Variants in CRYAB observed in about 807,000 individuals in gnomAD.
The protein encoded by CRYAB is crystallin alpha B.
Under a neutral mutation model 12.7 loss-of-function variants are expected in CRYAB, and 9 were observed. The ratio of observed to expected loss-of-function variants is 0.71; its 90% CI spans 0.43 to 1.24. The LOEUF is 1.24. Among genes scored for constraint, CRYAB ranks in the 50% most tolerant of loss-of-function variants. The pLI, the probability that CRYAB is intolerant of heterozygous loss-of-function variation, is 0.00. For synonymous variants in CRYAB, 93 were observed against 86.8 expected (o/e 1.07, Z -0.40); for missense variants, 183 against 226.6 (o/e 0.81, Z 1.24).
chr11:111,916,502 C>T (rs1050966317), upstream of CRYAB, among the ~76,000 whole-genome samples: 3 of 152,170 alleles, frequency 2.0e-5, no homozygotes, highest in South Asian at 4.1e-4. Context: ...GGGTTACAGG[C>T]GTGAGCCACC....
chr11:111,917,453 G>A (rs587707781), upstream of CRYAB, among the ~76,000 whole-genome samples: 31 of 152,198 alleles, frequency 2.0e-4, no homozygotes, highest in Admixed American at 2.0e-4. Context: ...GGAACCAGGC[G>A]TGGTGGGAGG....
intron 1 of CRYAB, among the ~76,000 whole-genome samples, chr11:111,920,801 A>C (rs1965684588): frequency 6.6e-6 from 1 of 152,162 alleles, no homozygotes; most frequent in South Asian, 2.1e-4. Flanking sequence ...GAAGTAGGAA[A>C]AAGAAGAATA....
chr11:111,909,970 C>G, intron 2 of CRYAB: 2 of 594,556 alleles, frequency 3.4e-6, no homozygotes, highest in Admixed American at 3.0e-5. Context: ...GTAGTGCTCG[C>G]TTCGGCAGCA....
chr11:111,912,749 G>A (rs1965505789), upstream of CRYAB: 2 of 1,114,764 alleles, frequency 1.8e-6, no homozygotes, highest in East Asian at 2.7e-5. Flanking sequence ...ATCGAGCCCT[G>A]GCTCTCCGGG....
In CRYAB at chr11:111,919,027, G is replaced by A. The variant is rs587599967; in HGVS notation, c.-199+4676C>T. On this transcript the variant is annotated intron_variant, in intron 1 of 3. Coordinates refer to the CRYAB transcript ENST00000527950. ...CTGGTGAGTAGGCTGGAAGGGCAAA[G>A]GGGAACATCTATCTCTGTTGGTGGA... 1.2e-4 allele frequency: 189 copies of A among 1,614,014 alleles called. No individual in the cohort carries two copies. In the South Asian group the frequency reaches 2.0e-3, roughly 17 times the overall value.
At chr11:111,910,857 C>T in intron 1 of CRYAB, 1 of 315,186 alleles carries the variant, frequency 3.2e-6, no homozygotes, top group Non-Finnish European at 6.1e-6. Flanking sequence ...TCTGCTGGTC[C>T]TGCTTGTCCT....
In CRYAB at chr11:111,918,767, C is replaced by A. The variant is rs1555166273; in HGVS notation, c.-199+4936G>T. The A allele has an allele frequency of 7.3e-6, 5 of 688,016 alleles. No individual in the cohort carries two copies. The Admixed American group carries it at 1.0e-4, about 14-fold the overall frequency. The allele number at this position is 688,016 out of a possible 1,614,324, so 42.6% of individuals were successfully genotyped here. On this transcript the variant is annotated intron_variant, in intron 1 of 3. Coordinates refer to the CRYAB transcript ENST00000527950. ...AAGTTGAGATAGCTCTCACCTGGAG[C>A]CCGTGTGTTGTTCTACCCTTTGGCT...
upstream of CRYAB, chr11:111,912,469 CG>C (rs4252584): frequency 2.2e-3 from 757 of 345,028 alleles, no homozygotes; most frequent in Middle Eastern, 5.2e-3. Flanking sequence ...GGTGTGGAAA[CG>C]TGCAAACCGT....
upstream of CRYAB, among the ~76,000 whole-genome samples, chr11:111,915,794 G>A (rs1199153273): frequency 6.6e-6 from 1 of 152,158 alleles, no homozygotes; most frequent in Non-Finnish European, 1.5e-5. Flanking sequence ...TCAGGATGGA[G>A]TGCAGTGGCA....
chr11:111,913,516 G>C, upstream of CRYAB: 1 of 1,614,070 alleles, frequency 6.2e-7, no homozygotes, highest in Admixed American at 1.7e-5. Flanking sequence ...GCCCCAGCTG[G>C]GGAGGGCAGC....
chr11:111,919,643 G>C (rs1965656808), intron 1 of CRYAB, among the ~76,000 whole-genome samples: 1 of 152,112 alleles, frequency 6.6e-6, no homozygotes, highest in Non-Finnish European at 1.5e-5. Flanking sequence ...AGCTTTCTAT[G>C]TGCCAGACAT....
intron 2 of CRYAB, chr11:111,909,848 ACAGC>A (rs1248970671): frequency 2.9e-6 from 1 of 339,930 alleles, no homozygotes; most frequent in African/African-American, 2.1e-5. Flanking sequence ...TAGGTGTCTG[ACAGC>A]CCTATACCTA....
intron 1 of CRYAB, among the ~76,000 whole-genome samples, chr11:111,919,925 G>T (rs1315075913): frequency 6.6e-6 from 1 of 152,298 alleles, no homozygotes; most frequent in East Asian, 1.9e-4. Flanking sequence ...GCCAGGCGTG[G>T]TGGCTCACGC....
At chr11:111,912,726 G>T, upstream of CRYAB, 1 of 285,752 alleles carries the variant, frequency 3.5e-6, no homozygotes, top group Non-Finnish European at 6.3e-6. Flanking sequence ...TGTCGACCCC[G>T]CCCCCACCTC....
At position 111,908,576 on chromosome 11, in the gene CRYAB, G is replaced by A. The variant is rs1011552667; in HGVS notation, c.*188C>T. On this transcript the variant is annotated 3_prime_UTR_variant, in exon 3 of 3. Transcript: ENST00000650687. ...AATCATAAATAGATCTGTGGTATCT[G>A]TATATTTATTTAAAAGTGTGTGGAA... 1.8e-5 allele frequency: 11 copies of A among 607,816 alleles called. No homozygotes were observed. The highest frequency in any genetic ancestry group is 2.9e-5 in the Non-Finnish European group (10 of 342,822). The allele number at this position is 607,816 out of a possible 1,614,324, so 37.7% of individuals were successfully genotyped here. A position where few individuals can be genotyped will look rare whatever the true frequency, so the allele number is the denominator to read the frequency against.
Position 111,908,823 on chromosome 11 carries a change from G to C in CRYAB, c.469C>G (p.Arg157Gly). ...GPRKQVSGPERTIPITREEKP... is the reference protein window; with the variant it reads ...GPRKQVSGPEGTIPITREEKP... ...TCTTCACGGGTGATGGGAATGGTGC[G>C]CTCAGGGCCAGAGACCTGTTTCCTT... Residue 157 changes from arginine (R) to glycine (G), a missense_variant, in exon 3 of 3, where the codon CGC becomes GGC. Around this residue, in one of 3 missense-constraint regions of CRYAB, gnomAD observed 95 missense variants for 112.5 expected, o/e 0.84. Transcript: ENST00000650687. 1 of 1,613,694 alleles carries C rather than the reference G, an allele frequency of 6.2e-7. No individual in the cohort carries two copies. Among genetic ancestry groups the C allele is most frequent in the Non-Finnish European group, 8.5e-7 (1 of 1,180,018 alleles).
chr11:111,914,188 G>C, upstream of CRYAB: 1 of 375,822 alleles, frequency 2.7e-6, no homozygotes, highest in Non-Finnish European at 4.8e-6. Flanking sequence ...TCCTCAGTTT[G>C]ATGTGCCCAA....
At chr11:111,919,438 A>C (rs587761072) in intron 1 of CRYAB, among the ~76,000 whole-genome samples, 3 of 152,080 alleles carry the variant, frequency 2.0e-5, no homozygotes, top group East Asian at 1.9e-4. Context: ...GCGCCACTGC[A>C]CTCCAGCCTG....
chr11:111,913,479 C>G, upstream of CRYAB: 1 of 1,612,622 alleles, frequency 6.2e-7, no homozygotes. Flanking sequence ...CACACTCTAC[C>G]ATGGCTACTA....
Sources: gnomAD v4.1 joint callset for allele counts (sites outside exome capture counted in the v4.1 genomes callset) on GRCh38, gnomAD v4.1.1 for gene constraint, gnomAD v4.1.1 regional missense constraint, MANE v1.5 for transcripts, NCBI Gene and HGNC (gene_info 2026-07-23, HGNC 2026-07-21) for gene names.